BCKDHB: variants seen among roughly 807,000 people sequenced by gnomAD.
BCKDHB encodes 2-oxoisovalerate dehydrogenase subunit beta, mitochondrial.
Under a neutral mutation model 48.5 loss-of-function variants are expected in BCKDHB, and 41 were observed. That is an observed-to-expected ratio of 0.85 (90% CI 0.66 to 1.10). The LOEUF (loss-of-function observed/expected upper bound fraction) is 1.10, where lower values mean the gene tolerates loss of function less well. Ranked by LOEUF, BCKDHB falls within the 50% of genes least tolerant of loss-of-function variation. The pLI is 0.00. For missense variants in BCKDHB, 496 were observed against 494.2 expected, an observed-to-expected ratio of 1.00 and a Z score of -0.03; for synonymous variants, 201 against 174.8, an observed-to-expected ratio of 1.15 and a Z score of -1.18.
intron 9 of BCKDHB, among the ~76,000 whole-genome samples, chr6:80,324,779 C>T (rs1768947777): frequency 6.6e-6 from 1 of 152,180 alleles, no homozygotes; most frequent in East Asian, 1.9e-4. Context: ...CAGAGCATCT[C>T]AAAGTTGACT....
intron 9 of BCKDHB, among the ~76,000 whole-genome samples, chr6:80,293,608 T>C (rs1046423381): frequency 2.6e-5 from 4 of 152,214 alleles, no homozygotes; most frequent in Non-Finnish European, 5.9e-5. Flanking sequence ...GTGGTTAACA[T>C]TGGGCTCCTT....
chr6:80,264,829 T>C (rs1777446906), intron 8 of BCKDHB, among the ~76,000 whole-genome samples: 1 of 152,110 alleles, frequency 6.6e-6, no homozygotes, highest in Admixed American at 6.6e-5. Flanking sequence ...AGAAATTAGA[T>C]GTATTAAGCA....
At chr6:80,410,616 C>T in the BCKDHB span, among the ~76,000 whole-genome samples, 1 of 152,176 alleles carries the variant, frequency 6.6e-6, no homozygotes, top group Non-Finnish European at 1.5e-5. Context: ...CACATAGTCC[C>T]ATATTTCTTG....
intron 8 of BCKDHB, among the ~76,000 whole-genome samples, chr6:80,253,922 A>C (rs1219268747): frequency 6.6e-6 from 1 of 151,862 alleles, no homozygotes; most frequent in South Asian, 2.1e-4. Context: ...GAAATTAAAA[A>C]AATCTACAGA....
intron 9 of BCKDHB, among the ~76,000 whole-genome samples, chr6:80,339,069 T>A (rs989511232): frequency 6.6e-6 from 1 of 152,060 alleles, no homozygotes; most frequent in Non-Finnish European, 1.5e-5. Flanking sequence ...GAGGTTTCAG[T>A]GATGTAACTC....
intron 6 of BCKDHB, among the ~76,000 whole-genome samples, chr6:80,186,771 G>A (rs1489891178): frequency 1.3e-5 from 2 of 152,200 alleles, no homozygotes; most frequent in African/African-American, 4.8e-5. Context: ...CCGGGAACTG[G>A]GAGTGCCTAC....
the BCKDHB span, among the ~76,000 whole-genome samples, chr6:80,429,938 G>A: frequency 1.2e-4 from 18 of 152,256 alleles, no homozygotes; most frequent in South Asian, 4.1e-4. Flanking sequence ...TCCTTGTCTC[G>A]TGCCGGTTTT....
chr6:80,234,499 T>C (rs1776065111), intron 8 of BCKDHB, among the ~76,000 whole-genome samples: 1 of 152,134 alleles, frequency 6.6e-6, no homozygotes, highest in Non-Finnish European at 1.5e-5. Flanking sequence ...TTACATGTTT[T>C]AGTTTTCAGA....
At chr6:80,139,617 T>TA (rs1457920907) in intron 3 of BCKDHB, among the ~76,000 whole-genome samples, 2 of 152,112 alleles carry the variant, frequency 1.3e-5, no homozygotes, top group African/African-American at 2.4e-5. Context: ...TAGTTGTAGA[T>TA]ATGTGGCATT....
intron 8 of BCKDHB, among the ~76,000 whole-genome samples, chr6:80,261,013 C>T (rs1777278057): frequency 6.6e-6 from 1 of 152,042 alleles, no homozygotes; most frequent in African/African-American, 2.4e-5. Flanking sequence ...AGTTTGGCCC[C>T]CTAAGTCAGA....
chr6:80,171,510 C>T, intron 6 of BCKDHB, 120 bp downstream of exon 6: 3 of 646,564 alleles, frequency 4.6e-6, no homozygotes, highest in East Asian at 3.3e-5. Context: ...TAGAAAGAAT[C>T]TTGATTTTTT....
At chr6:80,224,295 T>C (rs1011834166) in intron 8 of BCKDHB, among the ~76,000 whole-genome samples, 58 of 152,184 alleles carry the variant, frequency 3.8e-4, no homozygotes, top group African/African-American at 1.4e-3. Context: ...GAAATAACCA[T>C]ATTTCATCTC....
the BCKDHB span, among the ~76,000 whole-genome samples, chr6:80,366,417 T>A: frequency 6.6e-6 from 1 of 152,112 alleles, no homozygotes; most frequent in African/African-American, 2.4e-5. Flanking sequence ...CACATGCTCA[T>A]AGACATAGTC....
chr6:80,238,223 G>T (rs139951873), intron 8 of BCKDHB, among the ~76,000 whole-genome samples: 10,835 of 152,166 alleles, frequency 0.071, 567 homozygotes, highest in South Asian at 0.24. Context: ...TCAGCCTCCT[G>T]AGTAGCTGGG....
chr6:80,317,102 T>C (rs1405598197), intron 9 of BCKDHB, among the ~76,000 whole-genome samples: 2 of 152,232 alleles, frequency 1.3e-5, no homozygotes, highest in Non-Finnish European at 2.9e-5. Context: ...CCGTTCTCTC[T>C]GATTTTGCTT....
rs398124574 is a variant in BCKDHB at position 80,167,677 on chromosome 6, G to A, written c.344-1G>A. On this transcript the variant is annotated splice_acceptor_variant, in intron 3 of 9. Transcript: ENST00000320393. LOFTEE classifies it high-confidence loss of function. ...AACCTTTTTTTCTTTTCTATTTTAA[G>A]GAAAAGATAGAGTTTTTAATACCCC... 1 of 1,605,554 alleles carries A rather than the reference G, an allele frequency of 6.2e-7. No homozygotes were observed. The highest frequency in any genetic ancestry group is 8.5e-7 in the Non-Finnish European group (1 of 1,172,552).
At chr6:80,270,181 A>G (rs137979091) in intron 8 of BCKDHB, among the ~76,000 whole-genome samples, 43 of 152,252 alleles carry the variant, frequency 2.8e-4, no homozygotes, top group African/African-American at 1.0e-3. Flanking sequence ...ATACCTCACA[A>G]AATGATTGAA....
intron 9 of BCKDHB, among the ~76,000 whole-genome samples, chr6:80,312,514 G>A (rs1768218629): frequency 6.6e-6 from 1 of 152,152 alleles, no homozygotes; most frequent in Non-Finnish European, 1.5e-5. Flanking sequence ...GGTTTTCAAG[G>A]GGAAGGCTTC....
At chr6:80,326,113 A>G (rs892334626) in intron 9 of BCKDHB, among the ~76,000 whole-genome samples, 2 of 152,222 alleles carry the variant, frequency 1.3e-5, no homozygotes, top group South Asian at 2.1e-4. Flanking sequence ...AATATTAACA[A>G]TGGTGGAAAC....
Sources: allele counts gnomAD v4.1 joint callset (sites outside exome capture counted in the v4.1 genomes callset), GRCh38; gene constraint gnomAD v4.1.1; transcripts MANE v1.5; gene names NCBI Gene and HGNC (gene_info 2026-07-23, HGNC 2026-07-21).